The following BAIAP2 variants were observed in gnomAD, a reference collection of about 807,000 sequenced individuals.
The protein encoded by BAIAP2 is BAR/IMD domain-containing adapter protein 2.
In BAIAP2, 18 loss-of-function variants were observed where a neutral mutation model predicts 63.0. The observed-to-expected ratio is 0.29, with a 90% confidence interval of 0.20 to 0.42. The LOEUF (loss-of-function observed/expected upper bound fraction) is 0.42, where lower values mean the gene tolerates loss of function less well. Ranked by LOEUF, BAIAP2 falls within the 10% of genes least tolerant of loss-of-function variation. The pLI, the probability that BAIAP2 is intolerant of heterozygous loss-of-function variation, is 1.00. For missense variants in BAIAP2, 610 were observed against 734.3 expected, an observed-to-expected ratio of 0.83 and a Z score of 1.96; for synonymous variants, 386 against 307.6, an observed-to-expected ratio of 1.25 and a Z score of -2.67.
intron 1 of BAIAP2, among the ~76,000 whole-genome samples, chr17:81,050,757 ACACATGCATGTGTGTATGCACACATGGG>A (rs1598525442): frequency 6.6e-6 from 1 of 150,408 alleles, no homozygotes; most frequent in Middle Eastern, 3.4e-3. Flanking sequence ...ACACACATGC[ACACATGCATGTGTGTATGCACACATGGG>A]CACAGATGTG....
intron 6 of BAIAP2, among the ~76,000 whole-genome samples, chr17:81,095,701 C>A (rs1034967674): frequency 1.3e-5 from 2 of 152,130 alleles, no homozygotes; most frequent in Non-Finnish European, 1.5e-5. Context: ...TCCTCCCTGT[C>A]CCCAGGATCT....
chr17:81,104,734 CGGGCTCCAGG>C lies in BAIAP2; in HGVS notation c.1268+20_1268+29del, dbSNP rs762294551. The C allele has an allele frequency of 5.1e-5, 79 of 1,545,802 alleles. No homozygotes were observed. The East Asian group carries it at 1.7e-3, about 34-fold the overall frequency. On this transcript the variant is annotated intron_variant, in intron 10 of 13. Transcript: ENST00000428708. ...CCAAGATGTGAGTGTTTCTCGGGGGCGGGCTCCAGGCAGCCGCTGCCTTCAGCAAGTGTGT... is the reference window on the plus strand; with the variant it reads ...CCAAGATGTGAGTGTTTCTCGGGGGCCAGCCGCTGCCTTCAGCAAGTGTGT...
intron 1 of BAIAP2, among the ~76,000 whole-genome samples, chr17:81,037,198 TC>T (rs11290549): frequency 0.052 from 7,904 of 152,322 alleles, 311 homozygotes; most frequent in Admixed American, 0.12. Context: ...CGTTTTGTCT[TC>T]CACGGGTGGG....
chr17:81,075,696 C>G (rs1187112954), intron 3 of BAIAP2, among the ~76,000 whole-genome samples: 1 of 152,200 alleles, frequency 6.6e-6, no homozygotes, highest in Admixed American at 6.5e-5. Context: ...CTACGCGTAT[C>G]ACCACACTCC....
chr17:81,042,807 G>A (rs2143618409), intron 1 of BAIAP2, among the ~76,000 whole-genome samples: 1 of 152,314 alleles, frequency 6.6e-6, no homozygotes, highest in East Asian at 1.9e-4. Context: ...CCAGAGCCAA[G>A]CTTGGTCTGG....
intron 6 of BAIAP2, 143 bp downstream of exon 6, chr17:81,086,723 G>A (rs992231638): frequency 2.3e-5 from 22 of 960,664 alleles, no homozygotes; most frequent in African/African-American, 6.6e-5. Context: ...GGTAGACCTC[G>A]GGAGCGGTGG....
At chr17:81,045,380 A>G (rs1035857513) in intron 1 of BAIAP2, among the ~76,000 whole-genome samples, 2 of 152,114 alleles carry the variant, frequency 1.3e-5, no homozygotes. Flanking sequence ...CTGGCTCAGG[A>G]GCTGACCTTA....
At chr17:81,099,316 G>A (rs879528451) in intron 6 of BAIAP2, among the ~76,000 whole-genome samples, 4 of 152,174 alleles carry the variant, frequency 2.6e-5, no homozygotes, top group East Asian at 1.9e-4. Context: ...ATTCAGAGCC[G>A]GAGCCGGGTG....
intron 3 of BAIAP2, among the ~76,000 whole-genome samples, chr17:81,065,652 C>A (rs933385415): frequency 1.3e-5 from 2 of 152,216 alleles, no homozygotes; most frequent in South Asian, 2.1e-4. Context: ...CAGGCCCTCT[C>A]GCTCCCCCAC....
intron 13 of BAIAP2, chr17:81,109,073 C>G (rs1300804053): frequency 4.0e-6 from 6 of 1,506,832 alleles, no homozygotes; most frequent in Admixed American, 2.1e-5. Flanking sequence ...TTTTCCTCCT[C>G]AGCTCTCGCT....
At chr17:81,082,029 C>T (rs2054699925) in intron 3 of BAIAP2, among the ~76,000 whole-genome samples, 1 of 152,024 alleles carries the variant, frequency 6.6e-6, no homozygotes, top group Non-Finnish European at 1.5e-5. Flanking sequence ...AGGGCCTGGG[C>T]TCTGGGGTCT....
At chr17:81,040,981 G>A (rs916781055) in intron 1 of BAIAP2, among the ~76,000 whole-genome samples, 13 of 152,204 alleles carry the variant, frequency 8.5e-5, no homozygotes, top group African/African-American at 3.1e-4. Context: ...GTCCCCTCTA[G>A]GGGGCAGGAG....
chr17:81,080,066 G>A (rs2054336465), intron 3 of BAIAP2, among the ~76,000 whole-genome samples: 1 of 152,228 alleles, frequency 6.6e-6, no homozygotes, highest in South Asian at 2.1e-4. Context: ...GGCAACCGCG[G>A]ACAAGACTTA....
intron 3 of BAIAP2, among the ~76,000 whole-genome samples, chr17:81,064,027 C>T (rs2051041146): frequency 1.3e-5 from 2 of 152,234 alleles, no homozygotes; most frequent in Non-Finnish European, 2.9e-5. Flanking sequence ...CCGAGCAGGG[C>T]CCCAGCCTGT....
intron 13 of BAIAP2, among the ~76,000 whole-genome samples, chr17:81,113,262 C>G (rs550891322): frequency 1.3e-5 from 2 of 152,176 alleles, no homozygotes; most frequent in African/African-American, 4.8e-5. Context: ...TGGTGACTTT[C>G]CTTTGCTGGC....
At chr17:81,108,620 G>T in intron 13 of BAIAP2, 111 bp downstream of exon 13, 3 of 1,409,140 alleles carry the variant, frequency 2.1e-6, no homozygotes, top group Middle Eastern at 2.0e-4. Flanking sequence ...TTAGGGCCCA[G>T]CCTGGCCCTT....
chr17:81,086,838 A>G (rs1001546735), intron 6 of BAIAP2: 10 of 470,898 alleles, frequency 2.1e-5, no homozygotes, highest in Non-Finnish European at 3.9e-5. Context: ...GAAGGAGCAG[A>G]AACCTAAATG....
At chr17:81,061,357 C>G (rs1276187712) in intron 3 of BAIAP2, among the ~76,000 whole-genome samples, 2 of 152,156 alleles carry the variant, frequency 1.3e-5, no homozygotes, top group African/African-American at 4.8e-5. Flanking sequence ...TGAGTTTTGA[C>G]GTGTGTACAC....
chr17:81,045,257 A>G (rs1410790273), intron 1 of BAIAP2, among the ~76,000 whole-genome samples: 2 of 152,188 alleles, frequency 1.3e-5, no homozygotes, highest in African/African-American at 4.8e-5. Flanking sequence ...TCCAAGGCCC[A>G]TGGAAAGGGA....
Sources: gnomAD v4.1 joint callset for allele counts (sites outside exome capture counted in the v4.1 genomes callset) on GRCh38, gnomAD v4.1.1 for gene constraint, MANE v1.5 for transcripts, NCBI Gene and HGNC (gene_info 2026-07-23, HGNC 2026-07-21) for gene names.